ELMO1: variants seen among roughly 807,000 people sequenced by gnomAD.
ELMO1 encodes the protein engulfment and cell motility 1.
Under a neutral mutation model 98.9 loss-of-function variants are expected in ELMO1, and 26 were observed. That is an observed-to-expected ratio of 0.26 (90% CI 0.19 to 0.36). ELMO1 has a LOEUF of 0.36. Among genes scored for constraint, ELMO1 ranks in the 10% least tolerant of loss-of-function variants. The pLI is 1.00. For synonymous variants in ELMO1, 346 were observed against 346.0 expected, an observed-to-expected ratio of 1.00 and a Z score of 0.00; for missense variants, 627 against 935.2, an observed-to-expected ratio of 0.67 and a Z score of 4.30.
chr7:37,400,929 A>G (rs1382373057), intron 1 of ELMO1, among the ~76,000 whole-genome samples: 3 of 152,226 alleles, frequency 2.0e-5, no homozygotes, highest in Non-Finnish European at 2.9e-5. Flanking sequence ...GGGATTTTGC[A>G]AAGGACTTAG....
intron 16 of ELMO1, among the ~76,000 whole-genome samples, chr7:36,902,389 G>A (rs2129059679): frequency 6.6e-6 from 1 of 152,334 alleles, no homozygotes; most frequent in African/African-American, 2.4e-5. Flanking sequence ...GTGAGCATCT[G>A]TCTGAAGGGG....
chr7:37,234,952 C>T (rs191354462), intron 7 of ELMO1, among the ~76,000 whole-genome samples: 3 of 152,304 alleles, frequency 2.0e-5, no homozygotes, highest in African/African-American at 7.2e-5. Context: ...GAAAGCCAAA[C>T]CATTCAGACC....
intron 20 of ELMO1, among the ~76,000 whole-genome samples, chr7:36,865,545 A>T (rs545089635): frequency 6.6e-6 from 1 of 152,188 alleles, no homozygotes; most frequent in South Asian, 2.1e-4. Context: ...TCTGAATTCA[A>T]CATTCCCAAT....
intron 1 of ELMO1, among the ~76,000 whole-genome samples, chr7:37,361,778 G>T (rs995628695): frequency 2.0e-5 from 3 of 151,834 alleles, no homozygotes; most frequent in Admixed American, 2.0e-4. Context: ...GGGCAACACA[G>T]GGAAACCCTG....
At chr7:37,004,113 CTAATG>C (rs1191271081) in intron 16 of ELMO1, among the ~76,000 whole-genome samples, 1 of 152,146 alleles carries the variant, frequency 6.6e-6, no homozygotes, top group African/African-American at 2.4e-5. Flanking sequence ...AGATTCCCAC[CTAATG>C]GTACCCTTCT....
intron 5 of ELMO1, among the ~76,000 whole-genome samples, chr7:37,259,656 G>A (rs1034278417): frequency 6.6e-6 from 1 of 152,220 alleles, no homozygotes; most frequent in African/African-American, 2.4e-5. Flanking sequence ...TGAACAGGAT[G>A]CGGCAGAAAG....
chr7:37,291,591 C>T lies in ELMO1; in HGVS notation c.193-19709G>A, dbSNP rs528743400. Among the ~76,000 whole-genome samples, 5 of 152,304 alleles carry T rather than the reference C, an allele frequency of 3.3e-5. No individual in the cohort carries two copies. In the South Asian group the frequency reaches 1.0e-3, roughly 32 times the overall value. ...TAGATAATAAACACAGAAAAATATG[C>T]TCAGCCTCAGCAGTTGGAGAAATGC... On this transcript the variant is annotated intron_variant, in intron 4 of 21. Transcript: ENST00000310758.
intron 16 of ELMO1, among the ~76,000 whole-genome samples, chr7:36,976,932 A>C (rs549294902): frequency 6.6e-6 from 1 of 152,346 alleles, no homozygotes; most frequent in South Asian, 2.1e-4. Flanking sequence ...GTTGGTGTTG[A>C]AATGGAGGCA....
At chr7:37,239,305 C>T (rs1362758679) in intron 7 of ELMO1, among the ~76,000 whole-genome samples, 1 of 152,044 alleles carries the variant, frequency 6.6e-6, no homozygotes, top group Non-Finnish European at 1.5e-5. Flanking sequence ...GCTGGGATTA[C>T]GGGTGCCTGT....
intron 16 of ELMO1, among the ~76,000 whole-genome samples, chr7:36,968,483 G>T (rs934912313): frequency 1.3e-5 from 2 of 152,186 alleles, no homozygotes; most frequent in African/African-American, 4.8e-5. Context: ...TAGTTATTTT[G>T]TTTGTGCAGG....
At chr7:37,326,595 C>T (rs947212337) in intron 2 of ELMO1, among the ~76,000 whole-genome samples, 5 of 151,470 alleles carry the variant, frequency 3.3e-5, no homozygotes, top group Non-Finnish European at 7.4e-5. Flanking sequence ...ACTCTGCCAC[C>T]TTTTTCTTGA....
chr7:37,111,503 G>A (rs1345644253), intron 14 of ELMO1, among the ~76,000 whole-genome samples: 1 of 152,042 alleles, frequency 6.6e-6, no homozygotes, highest in Non-Finnish European at 1.5e-5. Flanking sequence ...ATACTAATCA[G>A]ATTTTCTTTT....
intron 7 of ELMO1, among the ~76,000 whole-genome samples, chr7:37,233,863 C>T (rs1794316253): frequency 6.6e-6 from 1 of 152,164 alleles, no homozygotes; most frequent in African/African-American, 2.4e-5. Flanking sequence ...GAGATAATCA[C>T]TCCACATAAT....
intron 1 of ELMO1, among the ~76,000 whole-genome samples, chr7:37,381,994 G>C (rs1248498667): frequency 6.6e-6 from 1 of 152,114 alleles, no homozygotes. Context: ...TAAGAATTCA[G>C]CAATCTATAC....
At chr7:36,990,152 A>G (rs998374461) in intron 16 of ELMO1, among the ~76,000 whole-genome samples, 1 of 152,182 alleles carries the variant, frequency 6.6e-6, no homozygotes, top group Non-Finnish European at 1.5e-5. Context: ...GATCTTGTCC[A>G]GCGGTTTTGT....
intron 14 of ELMO1, among the ~76,000 whole-genome samples, chr7:37,107,138 T>C (rs1784996598): frequency 6.6e-6 from 1 of 152,234 alleles, no homozygotes; most frequent in Non-Finnish European, 1.5e-5. Flanking sequence ...ACTTGCTAGA[T>C]ATTAAAAATA....
At chr7:37,422,971 T>A (rs74588309) in intron 1 of ELMO1, among the ~76,000 whole-genome samples, 1,607 of 152,324 alleles carry the variant, frequency 0.011, 23 homozygotes, top group African/African-American at 0.037. Context: ...GTTACCCTCA[T>A]TTTACAGATG....
intron 6 of ELMO1, among the ~76,000 whole-genome samples, chr7:37,252,184 C>T (rs1222644386): frequency 6.6e-6 from 1 of 152,138 alleles, no homozygotes; most frequent in Non-Finnish European, 1.5e-5. Context: ...TCTATTCTAT[C>T]CCCATCAAGC....
chr7:37,353,817 T>C (rs1336468007), intron 1 of ELMO1: 4 of 152,258 alleles, frequency 2.6e-5, no homozygotes, highest in African/African-American at 9.7e-5. Context: ...AGAGTGCTGA[T>C]TGGTGTATTT....
Sources: gnomAD v4.1 joint callset for allele counts (sites outside exome capture counted in the v4.1 genomes callset) on GRCh38, gnomAD v4.1.1 for gene constraint, MANE v1.5 for transcripts, NCBI Gene and HGNC (gene_info 2026-07-23, HGNC 2026-07-21) for gene names.